CUX2: variants seen among roughly 807,000 people sequenced by gnomAD.
The protein encoded by CUX2 is cut like homeobox 2.
A neutral mutation model predicts 144.8 loss-of-function variants in CUX2; 40 were observed. The observed-to-expected ratio is 0.28, with a 90% CI of 0.21 to 0.36. CUX2 has a LOEUF of 0.36. CUX2 is among the 10% of genes least tolerant of loss of function. The pLI is 1.00. For missense variants in CUX2, 1,615 were observed against 1,994.0 expected, an observed-to-expected ratio of 0.81 and a Z score of 3.62; for synonymous variants, 827 against 875.6, an observed-to-expected ratio of 0.94 and a Z score of 0.98.
intron 1 of CUX2, among the ~76,000 whole-genome samples, chr12:111,142,529 G>GAAAAAA (rs200266878): frequency 9.3e-6 from 1 of 107,194 alleles, no homozygotes. Flanking sequence ...GTCAGGGAAG[G>GAAAAAA]AAAAAAAAAA....
At chr12:111,329,075 C>T (rs1887972733) in intron 18 of CUX2, among the ~76,000 whole-genome samples, 1 of 143,424 alleles carries the variant, frequency 7.0e-6, no homozygotes, top group African/African-American at 2.6e-5. Flanking sequence ...TTTGCTCTGT[C>T]TCTTCCTCCC....
chr12:111,159,206 GCGCGATCGTAGCT>G (rs1877588868), intron 1 of CUX2, among the ~76,000 whole-genome samples: 1 of 152,192 alleles, frequency 6.6e-6, no homozygotes, highest in South Asian at 2.1e-4. Context: ...GAATGCGGTG[GCGCGATCGTAGCT>G]CGCTGCAACC....
At chr12:111,148,198 T>C (rs569973261) in intron 1 of CUX2, among the ~76,000 whole-genome samples, 2 of 152,112 alleles carry the variant, frequency 1.3e-5, no homozygotes, top group Non-Finnish European at 2.9e-5. Context: ...TATACAGCCT[T>C]AAACAGGAAG....
At chr12:111,110,845 G>A (rs1408269114) in intron 1 of CUX2, among the ~76,000 whole-genome samples, 1 of 152,176 alleles carries the variant, frequency 6.6e-6, no homozygotes, top group Non-Finnish European at 1.5e-5. Context: ...GCGTGAAGGG[G>A]GAACCCACAC....
At chr12:111,175,887 G>C (rs1202477775) in intron 1 of CUX2, among the ~76,000 whole-genome samples, 2 of 151,912 alleles carry the variant, frequency 1.3e-5, no homozygotes, top group East Asian at 3.9e-4. Context: ...CGGCTGAACT[G>C]TTGAACTTAG....
At chr12:111,216,162 C>T (rs1881517325) in intron 2 of CUX2, among the ~76,000 whole-genome samples, 4 of 152,232 alleles carry the variant, frequency 2.6e-5, no homozygotes, top group Admixed American at 2.6e-4. Flanking sequence ...CCCGCCAAAC[C>T]CATCCCTCCC....
At chr12:111,123,088 G>A (rs903365433) in intron 1 of CUX2, among the ~76,000 whole-genome samples, 3 of 152,242 alleles carry the variant, frequency 2.0e-5, no homozygotes, top group Non-Finnish European at 4.4e-5. Flanking sequence ...GGAGCCTTCC[G>A]TGTCTCTGGC....
chr12:111,177,654 G>T (rs1646865388), intron 1 of CUX2, among the ~76,000 whole-genome samples: 1 of 152,244 alleles, frequency 6.6e-6, no homozygotes, highest in Non-Finnish European at 1.5e-5. Context: ...ACTTCCCAAA[G>T]TGCTGGGATT....
intron 1 of CUX2, among the ~76,000 whole-genome samples, chr12:111,187,748 T>C (rs1007582018): frequency 6.6e-6 from 1 of 152,214 alleles, no homozygotes; most frequent in East Asian, 1.9e-4. Context: ...TGGCCCCCTG[T>C]CCAGGTGACC....
chr12:111,308,461 C>T lies in CUX2; in HGVS notation c.1193C>T (p.Ala398Val), dbSNP rs748183712. ...AAGCCTGAAGACTCACTGCTTATTG[C>T]AAAGGAGGCCTTCTTCCCCACGCAG... ...MAKPEDSLLI[A>V]KEAFFPTQKF... Residue 398 changes from alanine (A) to valine (V), a missense_variant, in exon 14 of 22, where the codon GCA becomes GTA. Ala to Val is a moderately conservative substitution (Grantham distance 64). Coordinates refer to ENST00000261726, the MANE Select transcript of CUX2 (RefSeq NM_015267.4). 1 of 1,614,166 alleles carries T rather than the reference C, an allele frequency of 6.2e-7. No individual in the cohort carries two copies. Among genetic ancestry groups the T allele is most frequent in the East Asian group, 2.2e-5 (1 of 44,882 alleles).
In CUX2 at chr12:111,286,997, C is replaced by T. The variant is rs539016101; in HGVS notation, c.302-4421C>T. Among the ~76,000 whole-genome samples the T allele has an allele frequency of 2.6e-5, 4 of 152,292 alleles. No individual in the cohort carries two copies. The South Asian group carries it at 8.3e-4, about 32-fold the overall frequency. On this transcript the variant is annotated intron_variant, in intron 4 of 21. Coordinates refer to ENST00000261726, the MANE Select transcript of CUX2 (RefSeq NM_015267.4). ...ACTTTGGATTCTGTGAGCTTAATGA[C>T]TGTTTTACACTGTACCTGCAAAGGA...
At chr12:111,129,297 G>A (rs1296976924) in intron 1 of CUX2, among the ~76,000 whole-genome samples, 1 of 152,270 alleles carries the variant, frequency 6.6e-6, no homozygotes, top group Admixed American at 6.5e-5. Flanking sequence ...GGAAGGGAAA[G>A]GTGATCAAGG....
intron 8 of CUX2, among the ~76,000 whole-genome samples, chr12:111,297,203 C>T (rs4766569): frequency 0.29 from 42,322 of 144,660 alleles, 7,971 homozygotes; most frequent in East Asian, 0.74. Flanking sequence ...CTCCCAAACA[C>T]GCCTCCTCCC....
chr12:111,181,811 G>A (rs998583102), intron 1 of CUX2, among the ~76,000 whole-genome samples: 3 of 152,174 alleles, frequency 2.0e-5, no homozygotes, highest in Non-Finnish European at 2.9e-5. Context: ...ACTGTTGATT[G>A]CAATTAGATG....
At position 111,186,979 on chromosome 12, in the gene CUX2, A is replaced by G. The variant is rs528220970; in HGVS notation, c.64-27221A>G. Among the ~76,000 whole-genome samples, 1 of 152,084 alleles carries G rather than the reference A, an allele frequency of 6.6e-6. No homozygotes were observed. The highest frequency in any genetic ancestry group is 2.1e-4 in the South Asian group (1 of 4,820). ...TTTTTGGTAGAGATGGGGTTTTGCC[A>G]TGTTGGCGAGGCTGGCTTCAAACTC... On this transcript the variant is annotated intron_variant, in intron 1 of 21. Coordinates refer to ENST00000261726, the MANE Select transcript of CUX2 (RefSeq NM_015267.4). This position sits in a 1 kb window ranked among gnomAD's most constrained non-coding sequence, Gnocchi z 4.4.
In CUX2 at chr12:111,214,216, T is replaced by C; in HGVS notation, c.80T>C (p.Val27Ala). The change falls in exon 2 of 22, where the codon GTC (valine) becomes GCC (alanine). Residue 27 changes from valine (V) to alanine (A), a missense_variant. By Grantham distance (64) the Val-to-Ala change is moderately conservative (BLOSUM62 0). Coordinates refer to ENST00000261726, the MANE Select transcript of CUX2 (RefSeq NM_015267.4). ...LRRLQKELNS[V>A]ASELSARQEE... is the part of the protein sequence containing the mutation. ...TTGTTCCAGAAGGAGCTTAATTCCG[T>C]CGCTTCTGAGCTGTCTGCACGGCAG... 1 of 1,551,632 alleles carries C rather than the reference T, an allele frequency of 6.4e-7. No individual in the cohort carries two copies. Among genetic ancestry groups the C allele is most frequent in the Non-Finnish European group, 8.7e-7 (1 of 1,150,750 alleles).
intron 4 of CUX2, among the ~76,000 whole-genome samples, chr12:111,273,373 C>A (rs1884717228): frequency 6.6e-6 from 1 of 152,118 alleles, no homozygotes; most frequent in Non-Finnish European, 1.5e-5. Flanking sequence ...GAAGTACAGG[C>A]TCAGATAATT....
chr12:111,271,717 A>T (rs909108626), intron 4 of CUX2, among the ~76,000 whole-genome samples: 7 of 152,258 alleles, frequency 4.6e-5, no homozygotes, highest in Non-Finnish European at 1.0e-4. Flanking sequence ...CTAGTTCACT[A>T]AATATCTTTT....
intron 1 of CUX2, among the ~76,000 whole-genome samples, chr12:111,108,904 G>A (rs1873772665): frequency 6.6e-6 from 1 of 152,156 alleles, no homozygotes; most frequent in Non-Finnish European, 1.5e-5. Context: ...TGAACTGGTG[G>A]TAACCCCAGA....
Sources: gnomAD v4.1 joint callset for allele counts (sites outside exome capture counted in the v4.1 genomes callset) on GRCh38, gnomAD v4.1.1 for gene constraint, Gnocchi (gnomAD v3.1) non-coding constraint, MANE v1.5 for transcripts, NCBI Gene and HGNC (gene_info 2026-07-23, HGNC 2026-07-21) for gene names.